Variants in CFAP92 observed in about 807,000 individuals in gnomAD.
CFAP92 encodes uncharacterized protein CFAP92.
CFAP92 carries 86 observed loss-of-function variants against 106.3 expected under a neutral mutation model. The ratio of observed to expected loss-of-function variants is 0.81; its 90% CI spans 0.68 to 0.97. The LOEUF (loss-of-function observed/expected upper bound fraction) is 0.97, where lower values mean the gene tolerates loss of function less well. Ranked by LOEUF, CFAP92 falls within the 50% of genes least tolerant of loss-of-function variation. The pLI is 0.00. For synonymous variants in CFAP92, 477 were observed against 506.4 expected (o/e 0.94, Z 0.78); for missense variants, 1,204 against 1,283.8 (o/e 0.94, Z 0.95).
chr3:128,995,078 C>T (rs999627211), upstream of CFAP92, among the ~76,000 whole-genome samples: 2 of 152,112 alleles, frequency 1.3e-5, no homozygotes, highest in Non-Finnish European at 2.9e-5. Context: ...CACCCTGCTC[C>T]GGCAGTCAGT....
intron 6 of CFAP92, among the ~76,000 whole-genome samples, 164 bp from the exon 7 acceptor site, chr3:128,976,067 C>A (rs1191535046): frequency 6.6e-6 from 1 of 152,138 alleles, no homozygotes; most frequent in East Asian, 1.9e-4. Flanking sequence ...CTGTGAGTTA[C>A]CTAGGGATTT....
At chr3:128,928,451 G>A (rs1277657664) in intron 12 of CFAP92, among the ~76,000 whole-genome samples, 1 of 152,124 alleles carries the variant, frequency 6.6e-6, no homozygotes, top group African/African-American at 2.4e-5. Flanking sequence ...TGTGTTGCTG[G>A]TATATGGAGA....
intron 9 of CFAP92, among the ~76,000 whole-genome samples, chr3:128,956,196 T>TAAAAAAAAATAAAAAAAAAAAAAAAA (rs1941373957): frequency 3.2e-5 from 2 of 61,718 alleles, no homozygotes; most frequent in Admixed American, 1.5e-4. Flanking sequence ...AAAAAAAAAA[T>TAAAAAAAAATAAAAAAAAAAAAAAAA]AAAAAAAAAA....
intron 12 of CFAP92, among the ~76,000 whole-genome samples, chr3:128,930,683 A>C (rs879518882): frequency 1.3e-5 from 2 of 152,004 alleles, no homozygotes; most frequent in Admixed American, 6.5e-5. Context: ...CCTGGGAGGC[A>C]GATACCGCAG....
chr3:128,964,672 T>C (rs917386070), intron 9 of CFAP92, among the ~76,000 whole-genome samples: 1 of 152,196 alleles, frequency 6.6e-6, no homozygotes, highest in Non-Finnish European at 1.5e-5. Flanking sequence ...CCCTCTCTTA[T>C]TCCATTTAGT....
chr3:129,011,302 A>G, the CFAP92 span, among the ~76,000 whole-genome samples: 2 of 152,166 alleles, frequency 1.3e-5, no homozygotes, highest in Non-Finnish European at 2.9e-5. Flanking sequence ...TGTAATCCCA[A>G]CACTTTGGGA....
At chr3:128,947,558 G>A (rs562292376) in intron 9 of CFAP92, among the ~76,000 whole-genome samples, 4 of 151,654 alleles carry the variant, frequency 2.6e-5, no homozygotes, top group South Asian at 2.1e-4. Context: ...ACAGACCCAC[G>A]GATCAGAAAA....
upstream of CFAP92, among the ~76,000 whole-genome samples, chr3:128,996,299 T>C (rs567572466): frequency 2.0e-5 from 3 of 152,200 alleles, no homozygotes; most frequent in Non-Finnish European, 2.9e-5. Context: ...TCATGAGAAA[T>C]TGTAGATTTA....
At chr3:128,933,961 C>G (rs1938695875) in intron 11 of CFAP92, among the ~76,000 whole-genome samples, 1 of 152,182 alleles carries the variant, frequency 6.6e-6, no homozygotes, top group African/African-American at 2.4e-5. Flanking sequence ...GTTGCTGGCT[C>G]TAAAAATATA....
At chr3:128,999,728 T>G (rs1576674880) in intron 1 of CFAP92, among the ~76,000 whole-genome samples, 2 of 150,802 alleles carry the variant, frequency 1.3e-5, no homozygotes, top group Admixed American at 6.6e-5. Context: ...TTAGTAGAGA[T>G]GGGGGTGGTT....
chr3:128,945,014 C>T (rs2107728031), intron 10 of CFAP92, 57 bp downstream of exon 10: 8 of 1,408,906 alleles, frequency 5.7e-6, no homozygotes, highest in Non-Finnish European at 6.6e-6. Context: ...GACCTCTCCA[C>T]TCCCTCGGCA....
At chr3:128,965,330 A>C (rs1942288948) in intron 9 of CFAP92, among the ~76,000 whole-genome samples, 181 bp downstream of exon 9, 1 of 152,112 alleles carries the variant, frequency 6.6e-6, no homozygotes, top group Admixed American at 6.5e-5. Flanking sequence ...GCCTGCACCC[A>C]GGTGAAATAA....
At chr3:128,953,600 C>CCCCTCCCCCTCT (rs1941047793) in intron 9 of CFAP92, among the ~76,000 whole-genome samples, 4 of 93,616 alleles carry the variant, frequency 4.3e-5, no homozygotes, top group East Asian at 2.6e-4. Context: ...CCTCTCCCTC[C>CCCCTCCCCCTCT]CCCTCTCCCT....
chr3:129,004,017 A>G (rs1452606388), upstream of CFAP92: 7 of 1,508,266 alleles, frequency 4.6e-6, no homozygotes, highest in Middle Eastern at 4.6e-4. Context: ...GCGCTGGCGC[A>G]ACAGGTGCCC....
rs766884799 is a variant in CFAP92, at chr3:128,956,977, C to CAAAAAAA, written c.1353+8527_1353+8533dup. 4.0e-3 allele frequency among the ~76,000 whole-genome samples: 113 copies of CAAAAAAA among 28,572 alleles called. 5 individuals are homozygous for CAAAAAAA. The highest frequency in any genetic ancestry group is 6.6e-3 in the African/African-American group (99 of 15,068). 18.7% of individuals were successfully genotyped at this position (28,572 alleles called of 152,430 possible). ...CCTGGGTGACAGAGCCAGACTCTCT[C>CAAAAAAA]AAAAAAAAAAAAAAAAAAAAGAAAT... is the stretch of plus-strand genomic sequence containing the variant. On this transcript the variant is annotated intron_variant, in intron 9 of 15. Coordinates refer to ENST00000645291, the MANE Select transcript of CFAP92 (RefSeq NM_001394090.1).
At chr3:128,962,616 C>T (rs1942027791) in intron 9 of CFAP92, among the ~76,000 whole-genome samples, 1 of 152,110 alleles carries the variant, frequency 6.6e-6, no homozygotes, top group African/African-American at 2.4e-5. Context: ...CCTCTACTCC[C>T]TCCTTGGCAA....
chr3:128,931,595 A>G (rs2107703896), intron 12 of CFAP92, among the ~76,000 whole-genome samples: 1 of 151,598 alleles, frequency 6.6e-6, no homozygotes, highest in African/African-American at 2.4e-5. Flanking sequence ...GAAGATAGAA[A>G]AAAGGAGAAA....
intron 2 of CFAP92, chr3:128,991,649 G>T: frequency 2.7e-6 from 1 of 364,868 alleles, no homozygotes; most frequent in Non-Finnish European, 3.9e-6. Flanking sequence ...CCTTTGCCCC[G>T]TCCTCACTTG....
upstream of CFAP92, among the ~76,000 whole-genome samples, chr3:128,995,511 G>T (rs1327188503): frequency 1.3e-5 from 2 of 152,152 alleles, no homozygotes; most frequent in Non-Finnish European, 2.9e-5. Context: ...AAGCTACTCA[G>T]ATACACCAGC....
Sources: gnomAD v4.1 joint callset for allele counts (sites outside exome capture counted in the v4.1 genomes callset) on GRCh38, gnomAD v4.1.1 for gene constraint, MANE v1.5 for transcripts, NCBI Gene and HGNC (gene_info 2026-07-23, HGNC 2026-07-21) for gene names.